The following CYYR1 variants were observed in gnomAD, a reference collection of about 807,000 sequenced individuals.
The protein encoded by CYYR1 is cysteine and tyrosine-rich protein 1.
In CYYR1, 14 loss-of-function variants were observed where a neutral mutation model predicts 15.2. The ratio of observed to expected loss-of-function variants is 0.92; its 90% CI spans 0.61 to 1.44. The LOEUF (loss-of-function observed/expected upper bound fraction) is 1.44, where lower values mean the gene tolerates loss of function less well. CYYR1 is among the 40% of genes most tolerant of loss of function. The probability of loss-of-function intolerance (pLI) is 0.00; values close to 1 mark genes in which losing one functional copy is unlikely to be tolerated. For synonymous variants in CYYR1, 80 were observed against 77.4 expected, an observed-to-expected ratio of 1.03 and a Z score of -0.18; for missense variants, 228 against 209.5, an observed-to-expected ratio of 1.09 and a Z score of -0.54.
At chr21:26,567,008 CAAAAAAA>C (rs71183563) in intron 1 of CYYR1, among the ~76,000 whole-genome samples, 18,999 of 129,772 alleles carry the variant, frequency 0.15, 1,290 homozygotes, top group South Asian at 0.19. Context: ...GGCTCTGTCT[CAAAAAAA>C]AAAAAAAAAA....
At chr21:26,493,659 C>A (rs2830255) in intron 2 of CYYR1, among the ~76,000 whole-genome samples, 27,088 of 152,000 alleles carry the variant, frequency 0.18, 3,035 homozygotes, top group African/African-American at 0.3. Flanking sequence ...TAAATTTGGT[C>A]TACTAGATCT....
chr21:26,505,131 A>T (rs1354524527), intron 2 of CYYR1, among the ~76,000 whole-genome samples: 3 of 152,238 alleles, frequency 2.0e-5, no homozygotes, highest in Non-Finnish European at 4.4e-5. Flanking sequence ...ACATGAATTA[A>T]AACATAGCTC....
chr21:26,547,038 G>A (rs1979021273), intron 2 of CYYR1, among the ~76,000 whole-genome samples: 1 of 152,126 alleles, frequency 6.6e-6, no homozygotes, highest in Non-Finnish European at 1.5e-5. Flanking sequence ...CAAGGTTGAA[G>A]GTGCATTTTT....
At chr21:26,484,869 A>C (rs2065230303) in intron 2 of CYYR1, among the ~76,000 whole-genome samples, 1 of 152,194 alleles carries the variant, frequency 6.6e-6, no homozygotes. Context: ...GGTTGCAACT[A>C]ATGTATTAAA....
intron 2 of CYYR1, among the ~76,000 whole-genome samples, chr21:26,561,930 C>A (rs1980231206): frequency 6.6e-6 from 1 of 152,122 alleles, no homozygotes; most frequent in Non-Finnish European, 1.5e-5. Flanking sequence ...CCCTCTATTC[C>A]CTTAAATTCT....
intron 2 of CYYR1, among the ~76,000 whole-genome samples, chr21:26,555,685 G>A (rs893726175): frequency 7.2e-5 from 11 of 152,120 alleles, no homozygotes; most frequent in Non-Finnish European, 1.3e-4. Context: ...AGCACTTTCA[G>A]ATGGAATCCT....
intron 2 of CYYR1, among the ~76,000 whole-genome samples, chr21:26,517,092 G>A (rs1211668819): frequency 8.4e-6 from 1 of 118,372 alleles, no homozygotes; most frequent in African/African-American, 3.5e-5. Flanking sequence ...TCCAGCCTGG[G>A]CGACAGAGCG....
intron 1 of CYYR1, among the ~76,000 whole-genome samples, 188 bp from the exon 2 acceptor site, chr21:26,566,556 A>C (rs1980635984): frequency 6.6e-6 from 1 of 152,202 alleles, no homozygotes; most frequent in Non-Finnish European, 1.5e-5. Context: ...TTAGACTCTA[A>C]GCTGTAAAGA....
chr21:26,541,184 T>A (rs913740078), intron 2 of CYYR1, among the ~76,000 whole-genome samples: 1 of 152,070 alleles, frequency 6.6e-6, no homozygotes, highest in South Asian at 2.1e-4. Context: ...TACAAGGAGA[T>A]AAGAGGCAGG....
chr21:26,555,920 G>C (rs1005994985), intron 2 of CYYR1, among the ~76,000 whole-genome samples: 2 of 152,122 alleles, frequency 1.3e-5, no homozygotes, highest in Non-Finnish European at 2.9e-5. Context: ...AATCATGAAG[G>C]TGAGTTGCAC....
At chr21:26,497,076 A>G (rs1418421380) in intron 2 of CYYR1, among the ~76,000 whole-genome samples, 12 of 152,154 alleles carry the variant, frequency 7.9e-5, no homozygotes, top group Admixed American at 7.2e-4. Context: ...ACTTTGCTAT[A>G]CCAAGTTGCA....
intron 2 of CYYR1, among the ~76,000 whole-genome samples, chr21:26,513,872 C>G (rs1039448365): frequency 9.1e-5 from 12 of 131,542 alleles, no homozygotes; most frequent in Non-Finnish European, 1.5e-4. Context: ...AATGAGAACA[C>G]ATGGACACAG....
intron 2 of CYYR1, among the ~76,000 whole-genome samples, chr21:26,560,977 A>C (rs1980157142): frequency 6.6e-6 from 1 of 152,212 alleles, no homozygotes; most frequent in Non-Finnish European, 1.5e-5. Context: ...GTTTCTGACA[A>C]TTAGGCTTAA....
chr21:26,473,804 A>G (rs2065066160), intron 3 of CYYR1, among the ~76,000 whole-genome samples: 1 of 152,154 alleles, frequency 6.6e-6, no homozygotes, highest in Non-Finnish European at 1.5e-5. Context: ...AGGGACATTC[A>G]CATCACCTTT....
chr21:26,535,186 T>A (rs1169390977), intron 2 of CYYR1, among the ~76,000 whole-genome samples: 4 of 152,146 alleles, frequency 2.6e-5, no homozygotes, highest in Non-Finnish European at 5.9e-5. Flanking sequence ...ATCAATTGTA[T>A]CCCAAACGTC....
intron 2 of CYYR1, among the ~76,000 whole-genome samples, chr21:26,537,808 T>C (rs1169078046): frequency 6.6e-6 from 1 of 152,090 alleles, no homozygotes; most frequent in Non-Finnish European, 1.5e-5. Flanking sequence ...AGGTGGGGTC[T>C]GTTGGGAGAT....
At chr21:26,488,240 A>ACTTACTTACTTCCTTCCTTC (rs1555904365) in intron 2 of CYYR1, among the ~76,000 whole-genome samples, 11 of 139,320 alleles carry the variant, frequency 7.9e-5, no homozygotes, top group Non-Finnish European at 1.4e-4. Flanking sequence ...ATCTTCCCCT[A>ACTTACTTACTTCCTTCCTTC]CTTCCTTCCT....
intron 2 of CYYR1, among the ~76,000 whole-genome samples, chr21:26,505,152 T>A (rs903414113): frequency 6.6e-6 from 1 of 152,210 alleles, no homozygotes; most frequent in Non-Finnish European, 1.5e-5. Flanking sequence ...AGAGATGAAA[T>A]CTGAAAGAAA....
At chr21:26,486,914 A>G (rs908685360) in intron 2 of CYYR1, among the ~76,000 whole-genome samples, 2 of 152,060 alleles carry the variant, frequency 1.3e-5, no homozygotes, top group African/African-American at 4.8e-5. Context: ...CGCCAGAGTA[A>G]TATTTATCTT....
Sources: gnomAD v4.1 joint callset for allele counts (sites outside exome capture counted in the v4.1 genomes callset) on GRCh38, gnomAD v4.1.1 for gene constraint, MANE v1.5 for transcripts, NCBI Gene and HGNC (gene_info 2026-07-23, HGNC 2026-07-21) for gene names.